Variants in RAP1GAP2 observed in about 807,000 individuals in gnomAD.
The protein encoded by RAP1GAP2 is rap1 GTPase-activating protein 2.
A neutral mutation model predicts 95.0 loss-of-function variants in RAP1GAP2; 27 were observed. The observed-to-expected ratio is 0.28, with a 90% CI of 0.21 to 0.39. RAP1GAP2 has a LOEUF of 0.39. Ranked by LOEUF, RAP1GAP2 falls within the 10% of genes least tolerant of loss-of-function variation. The probability of loss-of-function intolerance (pLI) is 1.00; values close to 1 mark genes in which losing one functional copy is unlikely to be tolerated. For synonymous variants in RAP1GAP2, 373 were observed against 380.9 expected, an observed-to-expected ratio of 0.98 and a Z score of 0.24; for missense variants, 771 against 970.0, an observed-to-expected ratio of 0.79 and a Z score of 2.72.
At chr17:2,823,007 G>T (rs1251659024) in intron 2 of RAP1GAP2, among the ~76,000 whole-genome samples, 1 of 152,154 alleles carries the variant, frequency 6.6e-6, no homozygotes, top group African/African-American at 2.4e-5. Flanking sequence ...CAGTTACTCA[G>T]GGAGTGCTGC....
chr17:2,883,463 C>T (rs999278022), intron 2 of RAP1GAP2, among the ~76,000 whole-genome samples: 9 of 152,152 alleles, frequency 5.9e-5, no homozygotes, highest in African/African-American at 2.2e-4. Context: ...AGCCTTTTAA[C>T]GGATGGATTT....
At chr17:2,949,578 G>A (rs1014379683) in intron 3 of RAP1GAP2, among the ~76,000 whole-genome samples, 6 of 150,228 alleles carry the variant, frequency 4.0e-5, no homozygotes, top group East Asian at 1.9e-4. Context: ...TGCCTGCTGT[G>A]TGCCCTGAGC....
intron 3 of RAP1GAP2, among the ~76,000 whole-genome samples, chr17:2,933,344 G>C (rs1188684015): frequency 1.3e-5 from 2 of 152,040 alleles, no homozygotes; most frequent in African/African-American, 4.8e-5. Flanking sequence ...AGAGACCACC[G>C]TGGAGTGAGG....
intron 3 of RAP1GAP2, among the ~76,000 whole-genome samples, chr17:2,946,378 A>G (rs2043697784): frequency 6.6e-6 from 1 of 152,166 alleles, no homozygotes. Flanking sequence ...GGTCGGCTTC[A>G]CTATGAAGCC....
intron 2 of RAP1GAP2, among the ~76,000 whole-genome samples, chr17:2,862,284 T>G (rs2072432492): frequency 6.6e-6 from 1 of 152,206 alleles, no homozygotes; most frequent in Non-Finnish European, 1.5e-5. Flanking sequence ...AGAGGGGCAG[T>G]GGGCGTCTGA....
chr17:2,822,855 A>C (rs1479965777), intron 2 of RAP1GAP2, among the ~76,000 whole-genome samples: 1 of 149,392 alleles, frequency 6.7e-6, no homozygotes, highest in Non-Finnish European at 1.5e-5. Flanking sequence ...ATCCCTCCCC[A>C]CTCCCCCCAG....
rs1287981353 is a variant in RAP1GAP2 at position 3,008,883 on chromosome 17, G to A, written c.1494+738G>A. On this transcript the variant is annotated intron_variant, in intron 17 of 24. Coordinates refer to ENST00000254695, the MANE Select transcript of RAP1GAP2 (RefSeq NM_015085.5). This position sits in a 1 kb window ranked among gnomAD's most constrained non-coding sequence, Gnocchi z 4.2. ...GCGGAACGGGTCTTGTTATATTCAC[G>A]AACACACGTGGGGACAGGATGAGAG... Among the ~76,000 whole-genome samples the A allele has an allele frequency of 2.0e-5, 3 of 152,124 alleles. No homozygotes were observed. The highest frequency in any genetic ancestry group is 4.4e-5 in the Non-Finnish European group (3 of 68,038).
chr17:3,026,574 G>A, intron 21 of RAP1GAP2, 110 bp downstream of exon 21: 2 of 968,910 alleles, frequency 2.1e-6, no homozygotes, highest in Non-Finnish European at 3.0e-6. Context: ...CTTTGCAGAG[G>A]AAAGGGGAAG....
chr17:3,025,150 G>T (rs531865354), intron 19 of RAP1GAP2, among the ~76,000 whole-genome samples: 1 of 152,318 alleles, frequency 6.6e-6, no homozygotes, highest in South Asian at 2.1e-4. Context: ...CCCGATACAG[G>T]CAGATGACTT....
intron 2 of RAP1GAP2, among the ~76,000 whole-genome samples, chr17:2,887,839 A>T (rs1263119015): frequency 6.6e-6 from 1 of 150,988 alleles, no homozygotes; most frequent in African/African-American, 2.4e-5. Flanking sequence ...CACACTGGCA[A>T]ATCTTTGTAC....
chr17:2,862,079 C>T (rs568203703), intron 2 of RAP1GAP2, among the ~76,000 whole-genome samples: 10 of 152,226 alleles, frequency 6.6e-5, no homozygotes, highest in African/African-American at 2.2e-4. Context: ...ATCACTTGCC[C>T]GTGTGTAGCT....
intron 1 of RAP1GAP2, among the ~76,000 whole-genome samples, chr17:2,778,296 G>A (rs1483030368): frequency 2.0e-5 from 3 of 151,730 alleles, no homozygotes; most frequent in Non-Finnish European, 4.4e-5. Context: ...TGGGGGGCCT[G>A]GTAGCTGGGT....
At position 3,029,978 on chromosome 17, in the gene RAP1GAP2, G is replaced by A. The variant is rs1567918146; in HGVS notation, c.2108-944G>A. On this transcript the variant is annotated intron_variant, in intron 22 of 24. Transcript: ENST00000254695. The surrounding 1 kb of genome is among the most constrained non-coding windows in gnomAD (Gnocchi z 4.4). ...ACTTAAGGCTGCAGGAGATGAATGT[G>A]TGTAATTCTGACATGAATGTGGACT... Among the ~76,000 whole-genome samples, 1 of 150,690 alleles carries A rather than the reference G, an allele frequency of 6.6e-6. No homozygotes were observed. The highest frequency in any genetic ancestry group is 1.5e-5 in the Non-Finnish European group (1 of 67,794).
In RAP1GAP2 at chr17:2,827,020, GAGAA is replaced by G. The variant is rs759379632; in HGVS notation, c.80+26482_80+26485del. 5.3e-4 allele frequency among the ~76,000 whole-genome samples: 78 copies of G among 146,194 alleles called. No homozygotes were observed. The highest frequency in any genetic ancestry group is 1.0e-3 in the South Asian group (5 of 4,804). The stretch of plus-strand genomic sequence containing the variant: ...ACTCCGTTTCGAGAGAGAGAGAGGA[GAGAA>G]AGAAAGAAAGAGAGAGAGAAAGAAA... On this transcript the variant is annotated intron_variant, in intron 2 of 24. Transcript: ENST00000254695. This position sits in a 1 kb window ranked among gnomAD's most constrained non-coding sequence, Gnocchi z 4.1.
At chr17:2,898,348 C>G (rs1310614917) in intron 2 of RAP1GAP2, among the ~76,000 whole-genome samples, 1 of 152,218 alleles carries the variant, frequency 6.6e-6, no homozygotes, top group Non-Finnish European at 1.5e-5. Context: ...AACACCTGCT[C>G]CTTCTCAAGC....
chr17:2,927,942 AAGGGC>A (rs1178033502), intron 3 of RAP1GAP2, among the ~76,000 whole-genome samples: 3 of 152,168 alleles, frequency 2.0e-5, no homozygotes, highest in Non-Finnish European at 4.4e-5. Flanking sequence ...ATGAGACTTG[AAGGGC>A]AGGGATGGAA....
chr17:2,927,469 C>T (rs2151784162), intron 3 of RAP1GAP2, among the ~76,000 whole-genome samples: 1 of 152,310 alleles, frequency 6.6e-6, no homozygotes, highest in Admixed American at 6.5e-5. Context: ...GTCTTTCTCA[C>T]ACCGCCGTCT....
chr17:2,942,888 C>A (rs1440397700), intron 3 of RAP1GAP2, among the ~76,000 whole-genome samples: 1 of 152,098 alleles, frequency 6.6e-6, no homozygotes. Flanking sequence ...CTGCCTTAGC[C>A]TCCTGAGTAG....
Position 3,029,718 on chromosome 17 carries a change from G to A in RAP1GAP2, c.2108-1204G>A, listed in dbSNP as rs956467772. ...GCTGCACTAAGCTTTCCATACCCTCGGCCAGAGGACAGCCAGAAAGTCAAG... is the reference window on the plus strand; with the variant it reads ...GCTGCACTAAGCTTTCCATACCCTCAGCCAGAGGACAGCCAGAAAGTCAAG... On this transcript the variant is annotated intron_variant, in intron 22 of 24. Transcript: ENST00000254695. The surrounding 1 kb of genome is among the most constrained non-coding windows in gnomAD (Gnocchi z 4.4). Among the ~76,000 whole-genome samples, 1 of 152,030 alleles carries A rather than the reference G, an allele frequency of 6.6e-6. No homozygotes were observed.
Sources: allele counts gnomAD v4.1 joint callset (sites outside exome capture counted in the v4.1 genomes callset), GRCh38; gene constraint gnomAD v4.1.1; non-coding constraint Gnocchi (gnomAD v3.1); transcripts MANE v1.5; gene names NCBI Gene and HGNC (gene_info 2026-07-23, HGNC 2026-07-21).